PMM2: variants seen among roughly 807,000 people sequenced by gnomAD.
PMM2 encodes phosphomannomutase 2, also known as mannose-6-phosphate isomerase.
PMM2 carries 35 observed loss-of-function variants against 33.2 expected under a neutral mutation model. That is an observed-to-expected ratio of 1.06 (90% CI 0.81 to 1.40). PMM2 has a LOEUF of 1.40. PMM2 is among the 40% of genes most tolerant of loss of function. The pLI is 0.00. For missense variants in PMM2, 386 were observed against 306.0 expected (o/e 1.26, Z -1.95); for synonymous variants, 153 against 114.7 (o/e 1.33, Z -2.13).
chr16:8,798,354 C>A (rs1049900227), intron 1 of PMM2, among the ~76,000 whole-genome samples: 3 of 152,156 alleles, frequency 2.0e-5, no homozygotes, highest in Non-Finnish European at 4.4e-5. Flanking sequence ...GTTTCCAGGT[C>A]AAACCGACCT....
At chr16:8,806,554 A>G (rs906888917) in intron 4 of PMM2, 147 bp downstream of exon 4, 30 of 682,078 alleles carry the variant, frequency 4.4e-5, no homozygotes, top group East Asian at 1.1e-4. Context: ...CCCCTTGGCA[A>G]TTCTGGTTCA....
intron 7 of PMM2, among the ~76,000 whole-genome samples, chr16:8,817,603 T>G (rs1173465973): frequency 6.6e-6 from 1 of 152,250 alleles, no homozygotes; most frequent in African/African-American, 2.4e-5. Flanking sequence ...TTTTCTATTC[T>G]GTTTAACCAT....
At position 8,811,114 on chromosome 16, in the gene PMM2, A is replaced by G. The variant is rs2060674872; in HGVS notation, c.383A>G (p.Asn128Ser). ...ATTGAATTCCGAAATGGGATGTTAA[A>G]CGTGTCCCCTATTGGAAGAAGCTGC... The part of the protein sequence containing the change: ...TFIEFRNGML[N>S]VSPIGRSCSQ... Residue 128 changes from asparagine to serine, a missense_variant, in exon 5 of 8, where the codon AAC (asparagine) becomes AGC (serine). By Grantham distance (46) the Asn-to-Ser change is conservative. Transcript: ENST00000268261. 4 of 1,576,992 alleles carry G rather than the reference A, an allele frequency of 2.5e-6. No individual in the cohort carries two copies. The highest frequency in any genetic ancestry group is 2.6e-6 in the Non-Finnish European group (3 of 1,157,412).
At chr16:8,802,417 A>G (rs2141017390) in intron 2 of PMM2, 3 of 396,718 alleles carry the variant, frequency 7.6e-6, no homozygotes, top group Non-Finnish European at 1.5e-5. Context: ...ATTCTAGTGT[A>G]CAACCTTGCT....
intron 7 of PMM2, among the ~76,000 whole-genome samples, chr16:8,839,101 G>C (rs546386382): frequency 6.6e-6 from 1 of 151,970 alleles, no homozygotes. Flanking sequence ...GAGAGCAATA[G>C]TGGAGGCAGA....
At chr16:8,811,238 T>C (rs1567160093) in intron 5 of PMM2, 60 bp downstream of exon 5, 1 of 1,102,760 alleles carries the variant, frequency 9.1e-7, no homozygotes, top group Non-Finnish European at 1.3e-6. Context: ...AGATATGGCC[T>C]GGTGTGGTGG....
At chr16:8,806,228 A>T in intron 3 of PMM2, 88 bp from the exon 4 acceptor site, 1 of 821,920 alleles carries the variant, frequency 1.2e-6, no homozygotes, top group East Asian at 2.4e-5. Flanking sequence ...ATTTTCAGCA[A>T]TCGTGGCTGA....
At chr16:8,833,905 C>G (rs2060827180) in intron 7 of PMM2, among the ~76,000 whole-genome samples, 1 of 151,902 alleles carries the variant, frequency 6.6e-6, no homozygotes, top group Admixed American at 6.6e-5. Flanking sequence ...GGGATAGCAC[C>G]AGGAGATATC....
chr16:8,820,840 T>C (rs1253811932), intron 7 of PMM2, among the ~76,000 whole-genome samples: 4 of 152,216 alleles, frequency 2.6e-5, no homozygotes. Context: ...GAGATTTTCC[T>C]AAGAGATTGG....
chr16:8,813,404 C>A (rs1221552869), intron 7 of PMM2, among the ~76,000 whole-genome samples: 1 of 152,238 alleles, frequency 6.6e-6, no homozygotes, highest in Non-Finnish European at 1.5e-5. Flanking sequence ...CCCGGTGCCA[C>A]TGTCAAACCC....
rs2072688 is a variant in PMM2, at chr16:8,848,000, G to A, written c.*175G>A. On this transcript the variant is annotated 3_prime_UTR_variant, in exon 8 of 8. Coordinates refer to ENST00000268261, the MANE Select transcript of PMM2 (RefSeq NM_000303.3). Reference sequence around the variant, plus strand: ...CCTCCAGTGCCAGAAACTTCCAGAAGGAAGGAGAAAACTCTTGTCAAGAAT... The same window carrying A: ...CCTCCAGTGCCAGAAACTTCCAGAAAGAAGGAGAAAACTCTTGTCAAGAAT... The A allele has an allele frequency of 0.27, 165,096 of 614,406 alleles. 22,908 individuals are homozygous for A. The highest frequency in any genetic ancestry group is 0.33 in the South Asian group (17,887 of 53,684). 38.1% of individuals were successfully genotyped at this position (614,406 alleles called of 1,614,324 possible).
At chr16:8,813,287 C>T (rs1184946938) in intron 7 of PMM2, among the ~76,000 whole-genome samples, 181 bp downstream of exon 7, 1 of 152,154 alleles carries the variant, frequency 6.6e-6, no homozygotes, top group Non-Finnish European at 1.5e-5. Flanking sequence ...CTCAGACCCC[C>T]GACGCCTCTG....
At chr16:8,817,216 G>T (rs1214028737) in intron 7 of PMM2, among the ~76,000 whole-genome samples, 1 of 152,192 alleles carries the variant, frequency 6.6e-6, no homozygotes, top group Non-Finnish European at 1.5e-5. Flanking sequence ...TGTTCTTAAT[G>T]ACAGTTACAT....
intron 7 of PMM2, chr16:8,832,138 C>T (rs1171071498): frequency 1.0e-6 from 1 of 985,428 alleles, no homozygotes; most frequent in Non-Finnish European, 1.2e-6. Context: ...GGTATGCAAG[C>T]TCGACACAGC....
chr16:8,827,859 T>A (rs1328175330), intron 7 of PMM2, among the ~76,000 whole-genome samples: 1 of 88,022 alleles, frequency 1.1e-5, no homozygotes, highest in African/African-American at 4.1e-5. Flanking sequence ...ATATATATGT[T>A]ATATATTATA....
At chr16:8,838,534 C>T (rs113458003) in intron 7 of PMM2, among the ~76,000 whole-genome samples, 14 of 151,612 alleles carry the variant, frequency 9.2e-5, no homozygotes, top group East Asian at 3.9e-4. Context: ...TTAGGGGCGG[C>T]GTGGGAACCT....
Position 8,812,745 on chromosome 16 carries a change from A to G in PMM2, c.524-246A>G, listed in dbSNP as rs569240235. On this transcript the variant is annotated intron_variant, in intron 6 of 7. Transcript: ENST00000268261. The stretch of plus-strand genomic sequence containing the variant: ...TGACAGGGCGCTTAAACGCAAATGC[A>G]TTTCTCACTCTGAGTTGGCATTCTG... Among the ~76,000 whole-genome samples the G allele has an allele frequency of 8.5e-5, 13 of 152,368 alleles. No homozygotes were observed. In the East Asian group the frequency reaches 2.3e-3, roughly 27 times the overall value.
At chr16:8,842,058 T>G (rs138776640) in intron 7 of PMM2, 50 of 149,324 alleles carry the variant, frequency 3.3e-4, no homozygotes, top group African/African-American at 1.2e-3. Flanking sequence ...TCAAGTTGTT[T>G]GGACAGAAAG....
chr16:8,810,938 T>C, intron 4 of PMM2, 141 bp from the exon 5 acceptor site: 1 of 693,474 alleles, frequency 1.4e-6, no homozygotes, highest in South Asian at 1.5e-5. Flanking sequence ...ATGGCTACCA[T>C]ATTACATAGC....
Sources: allele counts gnomAD v4.1 joint callset (sites outside exome capture counted in the v4.1 genomes callset), GRCh38; gene constraint gnomAD v4.1.1; transcripts MANE v1.5; gene names NCBI Gene and HGNC (gene_info 2026-07-23, HGNC 2026-07-21).